Variants in TCP11X1 observed in about 807,000 individuals in gnomAD.
TCP11X1 encodes the protein T-complex protein 11-like X-linked protein 1.
For synonymous variants in TCP11X1, 2 were observed against 6.3 expected (o/e 0.32, Z 1.02); for missense variants, 2 against 15.4 (o/e 0.13, Z 1.45).
chrX:102,220,696 T>TATA (rs1491550943), intron 2 of TCP11X1, among the ~76,000 whole-genome samples: 10 of 9,094 alleles, frequency 1.1e-3, no homozygotes, highest in African/African-American at 2.7e-3. Flanking sequence ...TATATATATA[T>TATA]TTTTTTTTTT....
At chrX:102,220,693 ATAT>A (rs1398301237) in intron 2 of TCP11X1, among the ~76,000 whole-genome samples, 8 of 25,339 alleles carry the variant, frequency 3.2e-4, no homozygotes, top group East Asian at 2.8e-3. Flanking sequence ...ATATATATAT[ATAT>A]TTTTTTTTTT....
chrX:102,220,695 A>ATATATATTTT (rs1403296641), intron 2 of TCP11X1, among the ~76,000 whole-genome samples: 81 of 16,385 alleles, frequency 4.9e-3, no homozygotes, highest in African/African-American at 7.2e-3. Flanking sequence ...ATATATATAT[A>ATATATATTTT]TTTTTTTTTT....
rs1176238420 is a variant in TCP11X1 at position 102,220,670 on chromosome X, C to CATAT, written c.231-848_231-845dup. Among the ~76,000 whole-genome samples, 212 of 30,240 alleles carry CATAT rather than the reference C, an allele frequency of 7.0e-3. 6 individuals carry two copies. Among genetic ancestry groups the CATAT allele is most frequent in the Middle Eastern group, 0.042 (1 of 24 alleles). The allele number at this position is 30,240 out of a possible 115,157, so 26.3% of individuals were successfully genotyped here. A position where few individuals can be genotyped will look rare whatever the true frequency, so the allele number is the denominator to read the frequency against. ...GTATATATGTGTGTGTGTGTATATA[C>CATAT]ATATATATATATATATATATATATA... On this transcript the variant is annotated intron_variant, in intron 2 of 8. Coordinates refer to ENST00000622971, the Ensembl canonical transcript of TCP11X1.
At position 102,220,695 on chromosome X, in the gene TCP11X1, A is replaced by ATATATATTT. The variant is rs1403296641; in HGVS notation, c.231-845_231-844insATATATTTT. On this transcript the variant is annotated intron_variant, in intron 2 of 8. Transcript: ENST00000622971. ...CATATATATATATATATATATATAT[A>ATATATATTT]TTTTTTTTTTTTTTTTTTTTGAGAC... Among the ~76,000 whole-genome samples, 37 of 16,391 alleles carry ATATATATTT rather than the reference A, an allele frequency of 2.3e-3. 2 individuals carry two copies. Among genetic ancestry groups the ATATATATTT allele is most frequent in the African/African-American group, 4.7e-3 (15 of 3,182 alleles). The allele number at this position is 16,391 out of a possible 115,157, so 14.2% of individuals were successfully genotyped here.
chrX:102,220,695 A>ATATATATATATATATATATAT (rs1403296641), intron 2 of TCP11X1, among the ~76,000 whole-genome samples: 4 of 16,393 alleles, frequency 2.4e-4, no homozygotes, highest in Non-Finnish European at 3.6e-4. Context: ...ATATATATAT[A>ATATATATATATATATATATAT]TTTTTTTTTT....
At chrX:102,220,695 A>ATATATATATATATAT (rs1403296641) in intron 2 of TCP11X1, among the ~76,000 whole-genome samples, 23 of 16,380 alleles carry the variant, frequency 1.4e-3, no homozygotes, top group Non-Finnish European at 1.5e-3. Context: ...ATATATATAT[A>ATATATATATATATAT]TTTTTTTTTT....
chrX:102,220,695 A>ATATATATATTT (rs1403296641), intron 2 of TCP11X1, among the ~76,000 whole-genome samples: 9 of 16,390 alleles, frequency 5.5e-4, no homozygotes, highest in African/African-American at 1.9e-3. Context: ...ATATATATAT[A>ATATATATATTT]TTTTTTTTTT....
intron 2 of TCP11X1, among the ~76,000 whole-genome samples, chrX:102,220,695 ATTTT>A (rs1179399956): frequency 1.2e-4 from 2 of 16,396 alleles, no homozygotes; most frequent in Non-Finnish European, 1.8e-4. Context: ...ATATATATAT[ATTTT>A]TTTTTTTTTT....
At chrX:102,220,691 ATATATTTTT>A (rs1484235708) in intron 2 of TCP11X1, among the ~76,000 whole-genome samples, 1 of 24,550 alleles carries the variant, frequency 4.1e-5, no homozygotes, top group Admixed American at 6.0e-4. Flanking sequence ...ATATATATAT[ATATATTTTT>A]TTTTTTTTTT....
chrX:102,220,470 G>A (rs1354403984), intron 2 of TCP11X1, among the ~76,000 whole-genome samples: 2 of 11,977 alleles, frequency 1.7e-4, no homozygotes, highest in Non-Finnish European at 2.5e-4. Flanking sequence ...AAGGAATTAA[G>A]AAGGACTACA....
chrX:102,220,670 CAT>C (rs1176238420), intron 2 of TCP11X1, among the ~76,000 whole-genome samples: 1,203 of 30,149 alleles, frequency 0.04, 103 homozygotes, highest in East Asian at 0.21. Context: ...TGTGTATATA[CAT>C]ATATATATAT....
chrX:102,220,916 C>T (rs1264361121), intron 2 of TCP11X1, among the ~76,000 whole-genome samples: 1 of 6,859 alleles, frequency 1.5e-4, no homozygotes, highest in Non-Finnish European at 2.3e-4. Flanking sequence ...AGGATGGTCT[C>T]AAACTCCTGA....
intron 2 of TCP11X1, among the ~76,000 whole-genome samples, chrX:102,220,670 C>CATATATATATATATATATATATATAT (rs1176238420): frequency 3.3e-5 from 1 of 30,302 alleles, no homozygotes; most frequent in Non-Finnish European, 5.2e-5. Context: ...TGTGTATATA[C>CATATATATATATATATATATATATAT]ATATATATAT....
At chrX:102,220,695 A>ATATATATATATT (rs1403296641) in intron 2 of TCP11X1, among the ~76,000 whole-genome samples, 8 of 16,392 alleles carry the variant, frequency 4.9e-4, no homozygotes, top group African/African-American at 6.3e-4. Flanking sequence ...ATATATATAT[A>ATATATATATATT]TTTTTTTTTT....
At chrX:102,220,695 A>ATATATTTTT (rs1403296641) in intron 2 of TCP11X1, among the ~76,000 whole-genome samples, 4 of 16,396 alleles carry the variant, frequency 2.4e-4, no homozygotes, top group African/African-American at 6.3e-4. Flanking sequence ...ATATATATAT[A>ATATATTTTT]TTTTTTTTTT....
intron 2 of TCP11X1, among the ~76,000 whole-genome samples, chrX:102,220,693 A>ATTTTTTTTTTTT (rs1260190520): frequency 3.9e-5 from 1 of 25,345 alleles, no homozygotes; most frequent in Non-Finnish European, 6.4e-5. Context: ...ATATATATAT[A>ATTTTTTTTTTTT]TATTTTTTTT....
intron 2 of TCP11X1, among the ~76,000 whole-genome samples, chrX:102,220,624 C>G (rs1300511144): frequency 1.9e-5 from 1 of 52,046 alleles, no homozygotes; most frequent in African/African-American, 8.3e-5. Context: ...TATACATACA[C>G]GTATATATAC....
intron 2 of TCP11X1, among the ~76,000 whole-genome samples, chrX:102,220,695 ATTTTT>A (rs1179399956): frequency 6.1e-5 from 1 of 16,402 alleles, no homozygotes; most frequent in African/African-American, 3.1e-4. Flanking sequence ...ATATATATAT[ATTTTT>A]TTTTTTTTTT....
intron 2 of TCP11X1, among the ~76,000 whole-genome samples, chrX:102,220,670 C>CATATATATATATAT (rs1176238420): frequency 1.1e-3 from 34 of 30,288 alleles, no homozygotes; most frequent in Admixed American, 2.6e-3. Flanking sequence ...TGTGTATATA[C>CATATATATATATAT]ATATATATAT....
Sources: gnomAD v4.1 joint callset for allele counts (sites outside exome capture counted in the v4.1 genomes callset) on GRCh38, gnomAD v4.1.1 for gene constraint, MANE v1.5 for transcripts, NCBI Gene and HGNC (gene_info 2026-07-23, HGNC 2026-07-21) for gene names.